The following TMEM50B variants were observed in gnomAD, a reference collection of about 807,000 sequenced individuals.
TMEM50B encodes HCV p7-trans-regulated protein 3.
In TMEM50B, 14 loss-of-function variants were observed where a neutral mutation model predicts 23.4. That is an observed-to-expected ratio of 0.60 (90% CI 0.39 to 0.93). TMEM50B has a LOEUF of 0.93. TMEM50B is among the 40% of genes least tolerant of loss of function. The pLI, the probability that TMEM50B is intolerant of heterozygous loss-of-function variation, is 0.00. For missense variants in TMEM50B, 159 were observed against 193.0 expected (o/e 0.82, Z 1.04); for synonymous variants, 64 against 62.3 (o/e 1.03, Z -0.13).
downstream of TMEM50B, among the ~76,000 whole-genome samples, chr21:33,446,273 G>A (rs2084053946): frequency 7.3e-6 from 1 of 137,052 alleles, no homozygotes; most frequent in African/African-American, 2.7e-5. Flanking sequence ...GTCTTGCTCT[G>A]TTGCCCACAC....
intron 1 of TMEM50B, among the ~76,000 whole-genome samples, chr21:33,477,609 G>C (rs1001610373): frequency 1.1e-4 from 1 of 9,402 alleles, no homozygotes; most frequent in Non-Finnish European, 1.6e-4. Flanking sequence ...GGCCGAGGCG[G>C]GGGGGGGTTA....
chr21:33,437,147 A>G (rs578204439), intron 8 of TMEM50B: 25 of 583,496 alleles, frequency 4.3e-5, no homozygotes, highest in Admixed American at 1.2e-4. Flanking sequence ...TTTCTTAAAG[A>G]ATTTTCAAAA....
chr21:33,443,363 A>AAAAT (rs2084024017), intron 7 of TMEM50B, among the ~76,000 whole-genome samples: 1 of 144,994 alleles, frequency 6.9e-6, no homozygotes, highest in Non-Finnish European at 1.5e-5. Flanking sequence ...GCTAACTACT[A>AAAAT]AAATAGTGGA....
chr21:33,474,949 C>CA (rs753832688), intron 1 of TMEM50B, among the ~76,000 whole-genome samples: 180 of 151,016 alleles, frequency 1.2e-3, no homozygotes, highest in Middle Eastern at 3.4e-3. Flanking sequence ...ACCCCCAAGA[C>CA]AGAGTCTCTC....
intron 8 of TMEM50B, among the ~76,000 whole-genome samples, chr21:33,435,907 ATT>A (rs1483049340): frequency 2.8e-5 from 4 of 143,960 alleles, no homozygotes; most frequent in African/African-American, 1.0e-4. Flanking sequence ...AAAAAAAAAA[ATT>A]AGCCAGCCGT....
intron 8 of TMEM50B, among the ~76,000 whole-genome samples, chr21:33,435,943 G>A (rs2123381371): frequency 6.8e-6 from 1 of 147,144 alleles, no homozygotes; most frequent in South Asian, 2.1e-4. Context: ...TGCAATCCTA[G>A]CTACTTGGTT....
chr21:33,446,668 AAAAAAAAAAAC>A (rs1174272575), downstream of TMEM50B, among the ~76,000 whole-genome samples: 3 of 148,316 alleles, frequency 2.0e-5, no homozygotes, highest in African/African-American at 5.0e-5. Context: ...AAAAAAAAAA[AAAAAAAAAAAC>A]CTCTAAGAAA....
chr21:33,459,659 C>G (rs1029874076), intron 5 of TMEM50B, among the ~76,000 whole-genome samples: 6 of 117,218 alleles, frequency 5.1e-5, no homozygotes, highest in Non-Finnish European at 1.0e-4. Flanking sequence ...CAGAGTGAGA[C>G]TCCGTCTCAA....
chr21:33,436,943 A>C (rs770051303), intron 8 of TMEM50B: 1 of 1,614,016 alleles, frequency 6.2e-7, no homozygotes, highest in Non-Finnish European at 8.5e-7. Flanking sequence ...GAGCAAGAAG[A>C]TGTTCTCCAA....
intron 7 of TMEM50B, among the ~76,000 whole-genome samples, chr21:33,443,537 T>TG (rs1187853759): frequency 1.3e-5 from 2 of 152,140 alleles, no homozygotes; most frequent in Non-Finnish European, 2.9e-5. Context: ...AGACAAAGAC[T>TG]GAAGAACCAT....
At position 33,467,042 on chromosome 21, in the gene TMEM50B, T is replaced by A. The variant is rs776998880; in HGVS notation, c.180A>T (p.Thr60=). Reference sequence around the variant, plus strand: ...AAGCCAATGTGGAAAATACACCACATGTGTGAAAGGCATGGTTCAACTGTT... The same window carrying A: ...AAGCCAATGTGGAAAATACACCACAAGTGTGAAAGGCATGGTTCAACTGTT... ...KPEQLNHAFH[T]CGVFSTLAFF... The change falls in exon 3 of 7, where the codon ACA becomes ACT. Residue 60 remains threonine (T), a synonymous_variant. Transcript: ENST00000542230. 5 of 1,614,020 alleles carry A rather than the reference T, an allele frequency of 3.1e-6. No homozygotes were observed. Among genetic ancestry groups the A allele is most frequent in the Non-Finnish European group, 4.2e-6 (5 of 1,179,972 alleles).
chr21:33,471,106 T>C (rs2084311891), intron 1 of TMEM50B, among the ~76,000 whole-genome samples: 1 of 151,628 alleles, frequency 6.6e-6, no homozygotes, highest in South Asian at 2.1e-4. Context: ...CGGAAAGGAG[T>C]AAGTCACAAA....
intron 4 of TMEM50B, among the ~76,000 whole-genome samples, chr21:33,463,827 A>G (rs2084238946): frequency 6.6e-6 from 1 of 152,186 alleles, no homozygotes; most frequent in African/African-American, 2.4e-5. Flanking sequence ...CTGAGGCAGG[A>G]GGATCACTCG....
chr21:33,475,900 G>A (rs1350976328), intron 1 of TMEM50B, among the ~76,000 whole-genome samples: 1 of 152,032 alleles, frequency 6.6e-6, no homozygotes, highest in East Asian at 2.0e-4. Context: ...GTTGCAGTGA[G>A]CCAAGATCTC....
At chr21:33,477,193 G>T (rs979430819) in intron 1 of TMEM50B, among the ~76,000 whole-genome samples, 1 of 152,024 alleles carries the variant, frequency 6.6e-6, no homozygotes, top group African/African-American at 2.4e-5. Flanking sequence ...TTCTCAGGAG[G>T]CTGAGGTGGG....
intron 8 of TMEM50B, among the ~76,000 whole-genome samples, chr21:33,438,160 C>T (rs2083975860): frequency 6.6e-6 from 1 of 151,764 alleles, no homozygotes; most frequent in African/African-American, 2.4e-5. Context: ...GGTGCACACC[C>T]GTAGTCCCAG....
At chr21:33,470,180 G>GA (rs2084300166) in intron 1 of TMEM50B, among the ~76,000 whole-genome samples, 2 of 151,916 alleles carry the variant, frequency 1.3e-5, no homozygotes, top group Admixed American at 1.3e-4. Flanking sequence ...TTGAAAGAAA[G>GA]AAAACACAGC....
chr21:33,472,534 G>C (rs1190753656), intron 1 of TMEM50B, among the ~76,000 whole-genome samples: 1 of 151,996 alleles, frequency 6.6e-6, no homozygotes, highest in Admixed American at 6.6e-5. Flanking sequence ...TGTAATTAAA[G>C]TTCCCAGAAG....
chr21:33,459,006 T>C lies in TMEM50B; in HGVS notation c.373+1407A>G, dbSNP rs114353057. On this transcript the variant is annotated intron_variant, in intron 5 of 6. Transcript: ENST00000542230. Reference sequence around the variant, plus strand: ...ACTTAAATGATACTATCAAAAGTATTCAAAAACCAGCTGTGAGTCAGGACA... The same window carrying C: ...ACTTAAATGATACTATCAAAAGTATCCAAAAACCAGCTGTGAGTCAGGACA... Among the ~76,000 whole-genome samples, 794 of 152,264 alleles carry C rather than the reference T, an allele frequency of 5.2e-3. 5 individuals are homozygous for C. The highest frequency in any genetic ancestry group is 0.031 in the Middle Eastern group (9 of 294).
Sources: gnomAD v4.1 joint callset for allele counts (sites outside exome capture counted in the v4.1 genomes callset) on GRCh38, gnomAD v4.1.1 for gene constraint, MANE v1.5 for transcripts, NCBI Gene and HGNC (gene_info 2026-07-23, HGNC 2026-07-21) for gene names.